The following SEC14L5 variants were observed in gnomAD, a reference collection of about 807,000 sequenced individuals.
The protein encoded by SEC14L5 is SEC14 like lipid binding 5.
Under a neutral mutation model 84.6 loss-of-function variants are expected in SEC14L5, and 96 were observed. That is an observed-to-expected ratio of 1.13 (90% CI 0.96 to 1.34). The LOEUF (loss-of-function observed/expected upper bound fraction) is 1.34. SEC14L5 is among the 40% of genes most tolerant of loss of function. The pLI is 0.00. For missense variants in SEC14L5, 1,224 were observed against 942.5 expected, an observed-to-expected ratio of 1.30 and a Z score of -3.91; for synonymous variants, 546 against 383.4, an observed-to-expected ratio of 1.42 and a Z score of -4.95.
rs771138868 is a variant in SEC14L5, at chr16:5,000,864, G to C, written c.1069G>C (p.Val357Leu). Residue 357 changes from valine (V) to leucine (L), a missense_variant, in exon 10 of 16, where the codon GTC becomes CTC. Coordinates refer to ENST00000251170, the MANE Select transcript of SEC14L5 (RefSeq NM_014692.2). ...EEALLRHVLS[V>L]NEEGQKRCEG... Reference sequence around the variant, plus strand: ...TGTCTCTCCCTTCCAGGTTCTCTCCGTCAACGAGGAAGGACAGAAGCGGTG... The same window carrying C: ...TGTCTCTCCCTTCCAGGTTCTCTCCCTCAACGAGGAAGGACAGAAGCGGTG... 39 of 1,605,508 alleles carry C rather than the reference G, an allele frequency of 2.4e-5. No individual in the cohort carries two copies. Among genetic ancestry groups the C allele is most frequent in the Non-Finnish European group, 3.2e-5 (38 of 1,176,228 alleles).
Position 4,991,942 on chromosome 16 carries a change from C to G in SEC14L5, c.579C>G (p.Asn193Lys). Residue 193 changes from asparagine to lysine, a missense_variant, in exon 6 of 16, where the codon AAC becomes AAG. Transcript: ENST00000251170. ...CAGTCCGTGAGGAGGATGCCCGCAA[C>G]CAGGCTGGACCGAGGGACCCCAGCT... ...PAPVREEDAR[N>K]QAGPRDPSSL... 6.2e-7 allele frequency: 1 copy of G among 1,600,638 alleles called. No individual in the cohort carries two copies. The highest frequency in any genetic ancestry group is 1.1e-5 in the South Asian group (1 of 89,526).
intron 2 of SEC14L5, among the ~76,000 whole-genome samples, chr16:4,975,404 C>CAGAGCTTGCAGTGAGTCG (rs534534830): frequency 2.4e-4 from 32 of 136,020 alleles, no homozygotes; most frequent in South Asian, 1.6e-3. Context: ...ACCCGGGAGG[C>CAGAGCTTGCAGTGAGTCG]AGAGCTTGCA....
At chr16:5,000,817 C>T (rs764391346) in intron 9 of SEC14L5, 38 bp from the exon 10 acceptor site, 10 of 1,574,520 alleles carry the variant, frequency 6.4e-6, no homozygotes, top group East Asian at 2.3e-5. Context: ...GGTAAAGCAG[C>T]GAGGCGGACG....
chr16:4,959,051 C>G (rs1385545167), intron 1 of SEC14L5, among the ~76,000 whole-genome samples: 1 of 151,410 alleles, frequency 6.6e-6, no homozygotes, highest in South Asian at 2.1e-4. Flanking sequence ...TTTGGGGGTG[C>G]TGACTGCTCT....
At chr16:4,984,625 G>A (rs780344620) in intron 2 of SEC14L5, among the ~76,000 whole-genome samples, 2 of 152,138 alleles carry the variant, frequency 1.3e-5, no homozygotes, top group Non-Finnish European at 2.9e-5. Flanking sequence ...TTTTCCAAAG[G>A]GGTTGTATCA....
chr16:5,001,925 A>G (rs1596639119), intron 10 of SEC14L5, among the ~76,000 whole-genome samples: 1 of 151,094 alleles, frequency 6.6e-6, no homozygotes, highest in African/African-American at 2.4e-5. Flanking sequence ...AATGTGCACC[A>G]CCTTGCCCAG....
At chr16:5,011,373 C>T (rs1955801444) in intron 15 of SEC14L5, 100 bp downstream of exon 15, 2 of 1,259,628 alleles carry the variant, frequency 1.6e-6, no homozygotes, top group East Asian at 2.5e-5. Context: ...GTCAGCTTCT[C>T]CCGGGGTGGG....
Position 5,003,514 on chromosome 16 carries a change from A to C in SEC14L5, c.1243A>C (p.Thr415Pro), listed in dbSNP as rs759929176. The C allele has an allele frequency of 3.8e-6, 6 of 1,578,280 alleles. No homozygotes were observed. Among genetic ancestry groups the C allele is most frequent in the Non-Finnish European group, 5.1e-6 (6 of 1,165,348 alleles). Residue 415 changes from threonine (T) to proline (P), a missense_variant, in exon 11 of 16, where the codon ACC becomes CCC. Coordinates refer to ENST00000251170, the MANE Select transcript of SEC14L5 (RefSeq NM_014692.2). Reference sequence around the variant, plus strand: ...GGTGGTTGAGGACAATTACCCAGAGACCCTGGGTCGGCTGCTCATCGTGCG... The same window carrying C: ...GGTGGTTGAGGACAATTACCCAGAGCCCCTGGGTCGGCTGCTCATCGTGCG... ...IEVVEDNYPE[T>P]LGRLLIVRAP...
chr16:4,974,200 AAC>A (rs1302413734), intron 2 of SEC14L5, among the ~76,000 whole-genome samples: 1 of 152,054 alleles, frequency 6.6e-6, no homozygotes, highest in Non-Finnish European at 1.5e-5. Context: ...TACTGAATGA[AAC>A]ACACTGGACT....
At chr16:4,960,987 T>G (rs903450336) in intron 2 of SEC14L5, among the ~76,000 whole-genome samples, 3 of 152,226 alleles carry the variant, frequency 2.0e-5, no homozygotes, top group Middle Eastern at 3.4e-3. Flanking sequence ...GTTGCTGAAC[T>G]TAAGCCGGGT....
intron 11 of SEC14L5, among the ~76,000 whole-genome samples, 188 bp downstream of exon 11, chr16:5,003,761 G>C (rs1412872276): frequency 6.6e-6 from 1 of 152,202 alleles, no homozygotes; most frequent in African/African-American, 2.4e-5. Context: ...TGTATTCACT[G>C]AGTTAAGCAA....
chr16:4,963,237 C>G (rs1955151259), intron 2 of SEC14L5, among the ~76,000 whole-genome samples: 1 of 152,212 alleles, frequency 6.6e-6, no homozygotes, highest in African/African-American at 2.4e-5. Context: ...AATTAATACT[C>G]TCACTTAAAA....
At chr16:5,010,796 A>C in intron 14 of SEC14L5, 1 of 383,524 alleles carries the variant, frequency 2.6e-6, no homozygotes, top group East Asian at 4.0e-5. Context: ...AGCAGAGCAA[A>C]AGCCCCACAA....
intron 2 of SEC14L5, among the ~76,000 whole-genome samples, chr16:4,983,187 AT>A (rs1455591599): frequency 6.6e-6 from 1 of 151,458 alleles, no homozygotes; most frequent in East Asian, 1.9e-4. Flanking sequence ...TGTTGTTGTT[AT>A]TTTTTAGTAG....
Position 5,014,874 on chromosome 16 carries a change from C to T in SEC14L5, c.1995C>T (p.Ser665=). ...ASEDFRGSMS[S]LESCTSGFSQ... Reference sequence around the variant, plus strand: ...TCCTCCCCAGGGGCTCCATGTCCAGCCTGGAATCCTGCACCAGCGGCTTCT... The same window carrying T: ...TCCTCCCCAGGGGCTCCATGTCCAGTCTGGAATCCTGCACCAGCGGCTTCT... Residue 665 remains serine (S), a synonymous_variant, in exon 16 of 16, where the codon AGC becomes AGT. Transcript: ENST00000251170. The T allele has an allele frequency of 6.2e-7, 1 of 1,613,724 alleles. No individual in the cohort carries two copies. The highest frequency in any genetic ancestry group is 8.5e-7 in the Non-Finnish European group (1 of 1,179,824).
chr16:4,962,230 G>C (rs1338917831), intron 2 of SEC14L5, among the ~76,000 whole-genome samples: 1 of 151,210 alleles, frequency 6.6e-6, no homozygotes, highest in Non-Finnish European at 1.5e-5. Context: ...AAAACTATAT[G>C]AATAGCACTA....
intron 2 of SEC14L5, among the ~76,000 whole-genome samples, chr16:4,983,309 C>G (rs1955445896): frequency 6.6e-6 from 1 of 151,690 alleles, no homozygotes; most frequent in Non-Finnish European, 1.5e-5. Context: ...CCACTGCTCA[C>G]AGCATGCCCA....
Position 5,018,776 on chromosome 16 carries a change from G to A in SEC14L5, c.*3806G>A, listed in dbSNP as rs2072455. ...AAAATGTTTTTTCCCAGAGGTTGAA[G>A]TATGGAGAGTTTGAGACTCTTTTTT... On this transcript the variant is annotated 3_prime_UTR_variant, in exon 16 of 16. Coordinates refer to ENST00000251170, the MANE Select transcript of SEC14L5 (RefSeq NM_014692.2). 67,245 of 152,080 alleles carry A rather than the reference G, an allele frequency of 0.44. 16,067 individuals carry two copies. The highest frequency in any genetic ancestry group is 0.52 in the Admixed American group (7,909 of 15,278). The allele number at this position is 152,080 out of a possible 1,614,324, so 9.4% of individuals were successfully genotyped here. A position where few individuals can be genotyped will look rare whatever the true frequency, so the allele number is the denominator to read the frequency against.
chr16:4,997,932 C>T (rs534405213), intron 8 of SEC14L5, among the ~76,000 whole-genome samples: 4 of 152,000 alleles, frequency 2.6e-5, no homozygotes, highest in East Asian at 1.9e-4. Flanking sequence ...TAGGGCTCAC[C>T]CCAAATCCAG....
Sources: allele counts gnomAD v4.1 joint callset (sites outside exome capture counted in the v4.1 genomes callset), GRCh38; gene constraint gnomAD v4.1.1; transcripts MANE v1.5; gene names NCBI Gene and HGNC (gene_info 2026-07-23, HGNC 2026-07-21).